IFTAP: variants seen among roughly 807,000 people sequenced by gnomAD.
IFTAP encodes the protein intraflagellar transport associated protein, also known as intraflagellar transport-associated protein.
A neutral mutation model predicts 19.4 loss-of-function variants in IFTAP; 19 were observed. The ratio of observed to expected loss-of-function variants is 0.98; its 90% CI spans 0.68 to 1.44. The LOEUF (loss-of-function observed/expected upper bound fraction) is 1.44. IFTAP is among the 40% of genes most tolerant of loss of function. The probability of loss-of-function intolerance (pLI) is 0.00; values close to 1 mark genes in which losing one functional copy is unlikely to be tolerated. For synonymous variants in IFTAP, 85 were observed against 83.5 expected (o/e 1.02, Z -0.10); for missense variants, 240 against 253.6 (o/e 0.95, Z 0.36).
rs1025073025 is a variant in IFTAP, at chr11:36,647,876, A to G, written c.359-140A>G. 1.8e-5 allele frequency: 17 copies of G among 946,704 alleles called. No homozygotes were observed. In the African/African-American group the frequency reaches 2.1e-4, roughly 12 times the overall value. The allele number at this position is 946,704 out of a possible 1,614,324, so 58.6% of individuals were successfully genotyped here. A position where few individuals can be genotyped will look rare whatever the true frequency, so the allele number is the denominator to read the frequency against. On this transcript the variant is annotated intron_variant, in intron 4 of 5. Transcript: ENST00000334307. ...GGCAATCCCTTGAGTCCAGTTCCCA[A>G]AGGAGGACAGGCATTGTGAAATGGA...
intron 2 of IFTAP, among the ~76,000 whole-genome samples, chr11:36,621,008 A>ACCTGG (rs371913108): frequency 6.6e-6 from 1 of 152,056 alleles, no homozygotes; most frequent in Middle Eastern, 3.2e-3. Context: ...AACTACTAAT[A>ACCTGG]GTTAAATAAA....
rs892834489 is a variant in IFTAP at position 36,632,522 on chromosome 11, G to T, written c.137-762G>T. ...CCCACATTTCTTTTAATAGCATCAT[G>T]ATATAATTGTCTTAGTCTCTTAATT... On this transcript the variant is annotated intron_variant, in intron 2 of 5. Coordinates refer to ENST00000334307, the MANE Select transcript of IFTAP (RefSeq NM_138787.4). 4.2e-4 allele frequency among the ~76,000 whole-genome samples: 63 copies of T among 151,034 alleles called. 3 individuals carry two copies. Among genetic ancestry groups the T allele is most frequent in the African/African-American group, 1.3e-3 (51 of 40,456 alleles).
In IFTAP at chr11:36,610,126, T is replaced by A; in HGVS notation, c.23T>A (p.Leu8Ter). ...GGAATGTCTGCCCATATGTCAGGATTGGAAATAATGGATGAAGATCAATTA... is the reference window on the plus strand; with the variant it reads ...GGAATGTCTGCCCATATGTCAGGATAGGAAATAATGGATGAAGATCAATTA... MSAHMSG[L>*]EIMDEDQLIK... Residue 8 changes from leucine (L) to a stop codon, truncating the protein, a stop_gained, in exon 2 of 6, where the codon TTG (leucine) becomes TAG (stop). Coordinates refer to ENST00000334307, the MANE Select transcript of IFTAP (RefSeq NM_138787.4). LOFTEE classifies it high-confidence loss of function. 6.2e-7 allele frequency: 1 copy of A among 1,613,134 alleles called. No homozygotes were observed. The highest frequency in any genetic ancestry group is 8.5e-7 in the Non-Finnish European group (1 of 1,179,284).
intron 2 of IFTAP, among the ~76,000 whole-genome samples, chr11:36,614,727 G>T (rs1345715860): frequency 6.7e-6 from 1 of 148,802 alleles, no homozygotes; most frequent in Non-Finnish European, 1.5e-5. Flanking sequence ...CTTTTGAGAA[G>T]TGTCTGTTCA....
intron 1 of IFTAP, chr11:36,595,008 T>C (rs1448282168): frequency 1.3e-5 from 2 of 152,260 alleles, no homozygotes; most frequent in African/African-American, 2.4e-5. Flanking sequence ...ATCCCTAGAG[T>C]GCAGGGGAGA....
At chr11:36,607,512 G>C (rs1851735926) in intron 1 of IFTAP, among the ~76,000 whole-genome samples, 1 of 152,070 alleles carries the variant, frequency 6.6e-6, no homozygotes, top group South Asian at 2.1e-4. Context: ...TAGTAACGCT[G>C]AGTAGAATAA....
intron 4 of IFTAP, among the ~76,000 whole-genome samples, chr11:36,641,921 A>G (rs1476372622): frequency 6.6e-6 from 1 of 152,120 alleles, no homozygotes; most frequent in Non-Finnish European, 1.5e-5. Context: ...GTCTCTTTGT[A>G]GGTCTCTAAG....
chr11:36,648,307 T>C, intron 5 of IFTAP, 152 bp downstream of exon 5: 1 of 879,784 alleles, frequency 1.1e-6, no homozygotes, highest in Non-Finnish European at 1.7e-6. Flanking sequence ...GCCATCTATC[T>C]CAAATGCATA....
chr11:36,639,222 TTTTC>T (rs1565024995), intron 4 of IFTAP, among the ~76,000 whole-genome samples: 4 of 151,862 alleles, frequency 2.6e-5, no homozygotes, highest in African/African-American at 9.7e-5. Context: ...GCCCAACCTC[TTTTC>T]TGGTCAAGTG....
chr11:36,631,314 A>G (rs1852715725), intron 2 of IFTAP, among the ~76,000 whole-genome samples: 1 of 151,338 alleles, frequency 6.6e-6, no homozygotes, highest in Admixed American at 6.5e-5. Flanking sequence ...GGTGTTATTT[A>G]TGGATGTGAA....
At chr11:36,604,325 G>T (rs1205366099) in intron 1 of IFTAP, among the ~76,000 whole-genome samples, 1 of 152,120 alleles carries the variant, frequency 6.6e-6, no homozygotes, top group African/African-American at 2.4e-5. Flanking sequence ...TAATGAAGAG[G>T]TCTATGCCTT....
At chr11:36,642,671 G>T (rs1185380485) in intron 4 of IFTAP, among the ~76,000 whole-genome samples, 1 of 152,122 alleles carries the variant, frequency 6.6e-6, no homozygotes, top group Non-Finnish European at 1.5e-5. Context: ...GATCAAGTGG[G>T]CTTCATCCCT....
At chr11:36,622,887 G>A (rs2133419504) in intron 2 of IFTAP, among the ~76,000 whole-genome samples, 1 of 152,190 alleles carries the variant, frequency 6.6e-6, no homozygotes, top group African/African-American at 2.4e-5. Context: ...AGTACATATT[G>A]TATTGTGTAC....
At chr11:36,622,760 A>G (rs1806486812) in intron 2 of IFTAP, among the ~76,000 whole-genome samples, 1 of 152,206 alleles carries the variant, frequency 6.6e-6, no homozygotes, top group South Asian at 2.1e-4. Context: ...AAAGAGAAAA[A>G]CATCAAGGTT....
intron 2 of IFTAP, among the ~76,000 whole-genome samples, chr11:36,629,140 T>C (rs1314454176): frequency 6.6e-6 from 1 of 151,310 alleles, no homozygotes; most frequent in African/African-American, 2.5e-5. Context: ...CAAGAAGCAG[T>C]GGAGTGAAGT....
In IFTAP at chr11:36,610,172, A is replaced by G; in HGVS notation, c.69A>G (p.Lys23=). Residue 23 remains lysine, a synonymous_variant, in exon 2 of 6, where the codon AAA becomes AAG. Transcript: ENST00000334307. The part of the protein sequence containing the change: ...EDQLIKDVLD[K]FLNCHEQTYD... ...AATTAATCAAAGACGTCTTGGATAA[A>G]TTCCTTAATTGTCATGAGCAAACAT... is the stretch of plus-strand genomic sequence containing the variant. The G allele has an allele frequency of 6.2e-7, 1 of 1,610,886 alleles. No individual in the cohort carries two copies. Among genetic ancestry groups the G allele is most frequent in the Non-Finnish European group, 8.5e-7 (1 of 1,177,218 alleles).
chr11:36,654,013 C>A (rs1440358977), intron 5 of IFTAP, among the ~76,000 whole-genome samples: 1 of 152,070 alleles, frequency 6.6e-6, no homozygotes, highest in East Asian at 1.9e-4. Flanking sequence ...CAAAATGAAA[C>A]AAAACAAGGA....
At chr11:36,643,605 A>G (rs142034082) in intron 4 of IFTAP, among the ~76,000 whole-genome samples, 1,818 of 152,344 alleles carry the variant, frequency 0.012, 21 homozygotes, top group East Asian at 0.031. Context: ...CTATAGTACA[A>G]GGCTACAGTA....
chr11:36,645,858 G>C (rs185579597), intron 4 of IFTAP, among the ~76,000 whole-genome samples: 6 of 152,262 alleles, frequency 3.9e-5, no homozygotes, highest in Non-Finnish European at 7.4e-5. Context: ...TTATTGGCAG[G>C]CAGACTCGAT....
Sources: allele counts gnomAD v4.1 joint callset (sites outside exome capture counted in the v4.1 genomes callset), GRCh38; gene constraint gnomAD v4.1.1; transcripts MANE v1.5; gene names NCBI Gene and HGNC (gene_info 2026-07-23, HGNC 2026-07-21).